The following GALNT17 variants were observed in gnomAD, a reference collection of about 807,000 sequenced individuals.
GALNT17 encodes the protein polypeptide N-acetylgalactosaminyltransferase 17.
Under a neutral mutation model 63.7 loss-of-function variants are expected in GALNT17, and 29 were observed. The observed-to-expected ratio is 0.46, with a 90% CI of 0.34 to 0.62. The LOEUF (loss-of-function observed/expected upper bound fraction) is 0.62, where lower values mean the gene tolerates loss of function less well. GALNT17 is among the 20% of genes least tolerant of loss of function. The pLI is 0.01. For missense variants in GALNT17, 603 were observed against 799.6 expected (o/e 0.75, Z 2.97); for synonymous variants, 305 against 318.3 (o/e 0.96, Z 0.45).
At chr7:71,576,529 T>TTGTGTGTGTGTGTGTG (rs3048366) in intron 6 of GALNT17, among the ~76,000 whole-genome samples, 260 of 142,900 alleles carry the variant, frequency 1.8e-3, no homozygotes, top group African/African-American at 2.3e-3. Flanking sequence ...TTTTTTAACT[T>TTGTGTGTGTGTGTGTG]TGTGTGTGTG....
At chr7:71,381,330 C>T (rs985952552) in intron 2 of GALNT17, among the ~76,000 whole-genome samples, 5 of 152,108 alleles carry the variant, frequency 3.3e-5, no homozygotes, top group Non-Finnish European at 7.4e-5. Flanking sequence ...GACCTGTGGA[C>T]CACATGTGGA....
intron 6 of GALNT17, among the ~76,000 whole-genome samples, chr7:71,633,320 A>T (rs555872999): frequency 1.3e-5 from 2 of 152,204 alleles, no homozygotes; most frequent in Non-Finnish European, 2.9e-5. Flanking sequence ...AGTTTGCATC[A>T]TAAAATCATA....
At chr7:71,576,849 C>T (rs1013682392) in intron 6 of GALNT17, among the ~76,000 whole-genome samples, 21 of 152,098 alleles carry the variant, frequency 1.4e-4, no homozygotes, top group African/African-American at 3.9e-4. Flanking sequence ...ACTACAGGCA[C>T]GAGCCACGCT....
At chr7:71,345,846 C>G (rs1792081532) in intron 2 of GALNT17, among the ~76,000 whole-genome samples, 1 of 151,932 alleles carries the variant, frequency 6.6e-6, no homozygotes, top group Non-Finnish European at 1.5e-5. Flanking sequence ...TACCCTGTGT[C>G]TCACAGGTCG....
chr7:71,282,897 A>G (rs1177808824), intron 1 of GALNT17, among the ~76,000 whole-genome samples: 1 of 151,982 alleles, frequency 6.6e-6, no homozygotes, highest in Non-Finnish European at 1.5e-5. Context: ...GTGCTAGGCA[A>G]TGTGGGGGTG....
At chr7:71,290,134 A>C (rs1248540677) in intron 1 of GALNT17, among the ~76,000 whole-genome samples, 10 of 152,218 alleles carry the variant, frequency 6.6e-5, no homozygotes, top group Non-Finnish European at 2.9e-5. Flanking sequence ...GCATGATAGC[A>C]TGCAACCATC....
chr7:71,682,249 A>G (rs1791278421), intron 9 of GALNT17, among the ~76,000 whole-genome samples: 1 of 152,016 alleles, frequency 6.6e-6, no homozygotes, highest in South Asian at 2.1e-4. Flanking sequence ...TTTTAAAGCC[A>G]CTCAGGAAGC....
intron 2 of GALNT17, among the ~76,000 whole-genome samples, chr7:71,362,081 C>T (rs970758452): frequency 3.2e-4 from 49 of 152,170 alleles, no homozygotes; most frequent in African/African-American, 1.1e-3. Context: ...CTCAGCCTCC[C>T]GAGTGGCTAG....
chr7:71,680,507 CCTCCCTCCCTCT>C (rs1791235336), intron 9 of GALNT17, among the ~76,000 whole-genome samples: 1 of 74,396 alleles, frequency 1.3e-5, no homozygotes, highest in Non-Finnish European at 3.2e-5. Context: ...TCTCTCCCTT[CCTCCCTCCCTCT>C]CTCCCTTCCT....
intron 6 of GALNT17, among the ~76,000 whole-genome samples, chr7:71,646,354 C>T (rs1233642126): frequency 6.6e-6 from 1 of 152,178 alleles, no homozygotes; most frequent in East Asian, 1.9e-4. Flanking sequence ...CAAAGGATAA[C>T]CCAGCTCAGC....
chr7:71,633,978 G>C (rs1168839573), intron 6 of GALNT17, among the ~76,000 whole-genome samples: 3 of 152,238 alleles, frequency 2.0e-5, no homozygotes, highest in Admixed American at 6.5e-5. Context: ...CACACACATG[G>C]TGTGACTGGC....
intron 5 of GALNT17, among the ~76,000 whole-genome samples, chr7:71,552,738 G>A (rs1003273077): frequency 9.9e-5 from 15 of 152,136 alleles, no homozygotes; most frequent in South Asian, 2.1e-4. Context: ...CACTGTGCCC[G>A]GCCCACCAGG....
chr7:71,273,008 C>T (rs1197174629), intron 1 of GALNT17, among the ~76,000 whole-genome samples: 1 of 147,200 alleles, frequency 6.8e-6, no homozygotes, highest in Non-Finnish European at 1.5e-5. Flanking sequence ...GAGTTGCTGC[C>T]AGCTAAAACC....
chr7:71,370,926 A>C (rs2116273107), intron 2 of GALNT17, among the ~76,000 whole-genome samples: 1 of 152,258 alleles, frequency 6.6e-6, no homozygotes, highest in Non-Finnish European at 1.5e-5. Context: ...TTTCTTATAC[A>C]AGCATATCGT....
chr7:71,555,639 C>A (rs756384426), intron 5 of GALNT17, among the ~76,000 whole-genome samples: 1 of 152,062 alleles, frequency 6.6e-6, no homozygotes, highest in Non-Finnish European at 1.5e-5. Context: ...GTCAGTGATT[C>A]TCAACCCTGG....
At chr7:71,514,331 C>A (rs562648768) in intron 5 of GALNT17, among the ~76,000 whole-genome samples, 1 of 152,040 alleles carries the variant, frequency 6.6e-6, no homozygotes, top group Non-Finnish European at 1.5e-5. Flanking sequence ...AAGAGGTAGA[C>A]GCTAGCCAGG....
intron 1 of GALNT17, among the ~76,000 whole-genome samples, chr7:71,162,644 A>G (rs1479614371): frequency 8.5e-5 from 13 of 152,154 alleles, no homozygotes; most frequent in Admixed American, 7.9e-4. Context: ...CCATTCATCC[A>G]TGGATACCCA....
intron 2 of GALNT17, among the ~76,000 whole-genome samples, chr7:71,361,881 G>A (rs117857585): frequency 0.014 from 2,165 of 152,246 alleles, 27 homozygotes; most frequent in Middle Eastern, 0.027. Context: ...TTATGTGATT[G>A]AACTACGGCT....
At chr7:71,659,948 A>G (rs749203943) in intron 6 of GALNT17, among the ~76,000 whole-genome samples, 1 of 152,136 alleles carries the variant, frequency 6.6e-6, no homozygotes, top group Non-Finnish European at 1.5e-5. Context: ...TCCTCGTGTT[A>G]CACGCTAGAT....
Sources: allele counts gnomAD v4.1 joint callset (sites outside exome capture counted in the v4.1 genomes callset), GRCh38; gene constraint gnomAD v4.1.1; transcripts MANE v1.5; gene names NCBI Gene and HGNC (gene_info 2026-07-23, HGNC 2026-07-21).